The following SCML4 variants were observed in gnomAD, a reference collection of about 807,000 sequenced individuals.
SCML4 encodes the protein Scm polycomb group protein like 4, also known as sex comb on midleg-like protein 4.
In SCML4, 34 loss-of-function variants were observed where a neutral mutation model predicts 41.1. The observed-to-expected ratio is 0.83, with a 90% CI of 0.63 to 1.10. The LOEUF is 1.10. Ranked by LOEUF, SCML4 falls within the 50% of genes least tolerant of loss-of-function variation. The probability of loss-of-function intolerance (pLI) is 0.00; values close to 1 mark genes in which losing one functional copy is unlikely to be tolerated. For synonymous variants in SCML4, 214 were observed against 220.9 expected (o/e 0.97, Z 0.28); for missense variants, 522 against 534.1 (o/e 0.98, Z 0.22).
chr6:107,812,057 AGCAGGGAG>A (rs1784195001), intron 1 of SCML4, among the ~76,000 whole-genome samples: 1 of 152,214 alleles, frequency 6.6e-6, no homozygotes, highest in South Asian at 2.1e-4. Flanking sequence ...TGTGGGAGCC[AGCAGGGAG>A]GCTTAACTGC....
At chr6:107,841,726 G>A in the SCML4 span, among the ~76,000 whole-genome samples, 1 of 152,160 alleles carries the variant, frequency 6.6e-6, no homozygotes, top group Admixed American at 6.5e-5. Context: ...ATAAATAGAA[G>A]ATAGTATTTT....
intron 5 of SCML4, among the ~76,000 whole-genome samples, chr6:107,731,642 C>T (rs1473064501): frequency 2.0e-4 from 30 of 152,194 alleles, no homozygotes; most frequent in Non-Finnish European, 1.5e-5. Flanking sequence ...CCAGCCCTGC[C>T]GACCCCCACA....
In SCML4 at chr6:107,793,957, A is replaced by G. The variant is rs369507070; in HGVS notation, c.-59-21571T>C. 2.6e-5 allele frequency among the ~76,000 whole-genome samples: 4 copies of G among 152,212 alleles called. No homozygotes were observed. The East Asian group carries it at 7.7e-4, about 29-fold the overall frequency. ...CCCTGTCTCAAAACAAAACTAAACTAAACTAAAAAAACAAGCAAACAAAAA... is the reference window on the plus strand; with the variant it reads ...CCCTGTCTCAAAACAAAACTAAACTGAACTAAAAAAACAAGCAAACAAAAA... On this transcript the variant is annotated intron_variant, in intron 1 of 7. Coordinates refer to ENST00000369020, the MANE Select transcript of SCML4 (RefSeq NM_198081.5).
In SCML4 at chr6:107,806,491, A is replaced by G. The variant is rs564797151; in HGVS notation, c.-60+17635T>C. ...AACCGGTTTCTACTTCTCCACTGAC[A>G]TGTTGAGATCTATCAGCCACTACCC... On this transcript the variant is annotated intron_variant, in intron 1 of 7. Coordinates refer to ENST00000369020, the MANE Select transcript of SCML4 (RefSeq NM_198081.5). Among the ~76,000 whole-genome samples, 13 of 152,258 alleles carry G rather than the reference A, an allele frequency of 8.5e-5. No homozygotes were observed. In the East Asian group the frequency reaches 2.5e-3, roughly 29 times the overall value.
At chr6:107,761,912 T>C (rs901267029) in intron 2 of SCML4, among the ~76,000 whole-genome samples, 1 of 152,164 alleles carries the variant, frequency 6.6e-6, no homozygotes, top group Non-Finnish European at 1.5e-5. Context: ...CTTTTCATTT[T>C]ACTTCAGGCA....
intron 5 of SCML4, among the ~76,000 whole-genome samples, chr6:107,726,357 C>T (rs1234972908): frequency 6.6e-6 from 1 of 151,502 alleles, no homozygotes; most frequent in East Asian, 2.0e-4. Flanking sequence ...CACGGTGAAA[C>T]CCCATCTCTA....
chr6:107,841,832 C>G, the SCML4 span, among the ~76,000 whole-genome samples: 2 of 152,030 alleles, frequency 1.3e-5, no homozygotes, highest in African/African-American at 2.4e-5. Flanking sequence ...AAATCCTCCT[C>G]CTCTACACAC....
chr6:107,741,124 A>T (rs541401286), intron 5 of SCML4, among the ~76,000 whole-genome samples: 1 of 152,194 alleles, frequency 6.6e-6, no homozygotes, highest in African/African-American at 2.4e-5. Context: ...GTGGCATAGA[A>T]GCAAGCTGGC....
At chr6:107,785,172 A>G (rs550230048) in intron 1 of SCML4, among the ~76,000 whole-genome samples, 1 of 152,288 alleles carries the variant, frequency 6.6e-6, no homozygotes, top group African/African-American at 2.4e-5. Context: ...CCCGGTCCAG[A>G]GTTGTATTTG....
chr6:107,725,012 G>A (rs958479217), intron 5 of SCML4, among the ~76,000 whole-genome samples: 2 of 152,202 alleles, frequency 1.3e-5, no homozygotes, highest in African/African-American at 4.8e-5. Flanking sequence ...AAGATAGGGA[G>A]TAGATTGGTG....
intron 1 of SCML4, among the ~76,000 whole-genome samples, chr6:107,777,760 C>T (rs573185521): frequency 7.2e-4 from 110 of 152,182 alleles, no homozygotes; most frequent in African/African-American, 2.6e-3. Flanking sequence ...GCCACCATCA[C>T]CCTCCTTGCC....
At chr6:107,747,286 C>A (rs945522801) in intron 3 of SCML4, among the ~76,000 whole-genome samples, 11 of 152,196 alleles carry the variant, frequency 7.2e-5, no homozygotes, top group Admixed American at 5.2e-4. Context: ...ACAGTTTTTG[C>A]CATTTCTTTG....
At chr6:107,711,386 G>T (rs760819426) in intron 6 of SCML4, among the ~76,000 whole-genome samples, 5 of 152,148 alleles carry the variant, frequency 3.3e-5, no homozygotes, top group Non-Finnish European at 5.9e-5. Context: ...AGTTCCTATC[G>T]CCTAGTGATT....
rs1777931142 is a variant in SCML4, at chr6:107,744,950, T to G, written c.681A>C (p.Ser227=). 2.5e-6 allele frequency: 4 copies of G among 1,605,916 alleles called. No individual in the cohort carries two copies. The Middle Eastern group carries it at 6.7e-4, about 267-fold the overall frequency. ...TGGGGGAAGCAGGACAAGGCCTACC[T>G]GATTCCATCCTCCCTTCCTCTTTCT... ...VQEKEEGRME[S]VKTVTTEEYL... The change falls in exon 5 of 8, where the codon TCA becomes TCC. Residue 227 remains serine (S), a splice_region_variant and synonymous_variant. Coordinates refer to ENST00000369020, the MANE Select transcript of SCML4 (RefSeq NM_198081.5).
chr6:107,714,689 C>T (rs1774575502), intron 6 of SCML4, among the ~76,000 whole-genome samples: 5 of 152,212 alleles, frequency 3.3e-5, no homozygotes, highest in Admixed American at 3.3e-4. Flanking sequence ...TGAGTCTTAA[C>T]TGCCTGCTCT....
At chr6:107,769,874 C>T (rs891041280) in intron 2 of SCML4, among the ~76,000 whole-genome samples, 1 of 152,040 alleles carries the variant, frequency 6.6e-6, no homozygotes, top group Non-Finnish European at 1.5e-5. Flanking sequence ...AACATGTTAA[C>T]AAAAAATGTA....
At chr6:107,839,347 AAG>A in the SCML4 span, among the ~76,000 whole-genome samples, 1 of 23,480 alleles carries the variant, frequency 4.3e-5, no homozygotes, top group African/African-American at 1.4e-4. Flanking sequence ...GAGAAAAAGA[AAG>A]AAAGAAAGAA....
chr6:107,841,918 A>G, the SCML4 span, among the ~76,000 whole-genome samples: 1 of 152,068 alleles, frequency 6.6e-6, no homozygotes, highest in African/African-American at 2.4e-5. Context: ...TTCTTGTTTT[A>G]ATATTATTGA....
At chr6:107,753,364 A>G (rs1469074914) in intron 2 of SCML4, among the ~76,000 whole-genome samples, 1 of 152,222 alleles carries the variant, frequency 6.6e-6, no homozygotes, top group Non-Finnish European at 1.5e-5. Flanking sequence ...TAGAGTCTCC[A>G]AGAGATATTT....
Sources: allele counts gnomAD v4.1 joint callset (sites outside exome capture counted in the v4.1 genomes callset), GRCh38; gene constraint gnomAD v4.1.1; transcripts MANE v1.5; gene names NCBI Gene and HGNC (gene_info 2026-07-23, HGNC 2026-07-21).